The following OR10J1 variants were observed in gnomAD, a reference collection of about 807,000 sequenced individuals.
OR10J1 encodes olfactory receptor family 10 subfamily J member 1, also known as olfactory receptor 10J1.
For synonymous variants in OR10J1, 202 were observed against 143.8 expected (o/e 1.40, Z -2.89); for missense variants, 474 against 376.6 (o/e 1.26, Z -2.14).
the OR10J1 span, among the ~76,000 whole-genome samples, chr1:159,415,707 A>C: frequency 6.6e-6 from 1 of 151,948 alleles, no homozygotes; most frequent in Non-Finnish European, 1.5e-5. Flanking sequence ...ATTTTAAACG[A>C]TATGACTAAT....
upstream of OR10J1, among the ~76,000 whole-genome samples, chr1:159,433,769 C>G (rs1354855043): frequency 2.0e-5 from 3 of 152,198 alleles, no homozygotes; most frequent in African/African-American, 7.2e-5. Flanking sequence ...CTGACCTAAG[C>G]AAGGTGGTAC....
At chr1:159,415,387 T>A in the OR10J1 span, among the ~76,000 whole-genome samples, 2 of 152,254 alleles carry the variant, frequency 1.3e-5, no homozygotes, top group East Asian at 1.9e-4. Context: ...TGTGAATAAA[T>A]GAATGCATTT....
chr1:159,413,636 C>T, the OR10J1 span, among the ~76,000 whole-genome samples: 3 of 142,756 alleles, frequency 2.1e-5, no homozygotes, highest in Non-Finnish European at 3.0e-5. Flanking sequence ...CGGAATTGAA[C>T]AATGAGAACA....
chr1:159,426,986 A>C, the OR10J1 span, among the ~76,000 whole-genome samples: 1 of 151,936 alleles, frequency 6.6e-6, no homozygotes, highest in Non-Finnish European at 1.5e-5. Flanking sequence ...AATAAAATTG[A>C]AGCACAGAGA....
At chr1:159,416,421 C>G in the OR10J1 span, among the ~76,000 whole-genome samples, 1 of 147,960 alleles carries the variant, frequency 6.8e-6, no homozygotes, top group Admixed American at 6.7e-5. Context: ...TTTTCTTCAT[C>G]TATTGAGATG....
upstream of OR10J1, chr1:159,438,049 G>A (rs1241654670): frequency 1.3e-5 from 2 of 152,378 alleles, no homozygotes; most frequent in East Asian, 3.9e-4. Flanking sequence ...AGTCATGTGA[G>A]TGGTCTTTAG....
the OR10J1 span, among the ~76,000 whole-genome samples, chr1:159,420,002 C>G: frequency 6.6e-6 from 1 of 152,048 alleles, no homozygotes; most frequent in African/African-American, 2.4e-5. Context: ...TATGGATGCT[C>G]TGATGTTGGT....
the OR10J1 span, among the ~76,000 whole-genome samples, chr1:159,410,123 C>T: frequency 5.7e-4 from 86 of 152,212 alleles, 1 homozygote; most frequent in Non-Finnish European, 1.1e-3. Flanking sequence ...AGGATTTTTG[C>T]ATCAATGTTC....
At chr1:159,428,135 G>T in the OR10J1 span, among the ~76,000 whole-genome samples, 1 of 152,168 alleles carries the variant, frequency 6.6e-6, no homozygotes, top group South Asian at 2.1e-4. Context: ...AGACAAAAAT[G>T]TATCTATAAG....
chr1:159,414,183 G>T, the OR10J1 span, among the ~76,000 whole-genome samples: 1 of 152,014 alleles, frequency 6.6e-6, no homozygotes, highest in Non-Finnish European at 1.5e-5. Context: ...TGGACCATGA[G>T]AATTTATAAC....
the OR10J1 span, among the ~76,000 whole-genome samples, chr1:159,429,356 C>T: frequency 2.0e-5 from 3 of 152,166 alleles, no homozygotes; most frequent in African/African-American, 7.2e-5. Flanking sequence ...CTGAAGAGAC[C>T]TCAGAGGTAG....
the OR10J1 span, among the ~76,000 whole-genome samples, chr1:159,428,236 T>G: frequency 1.3e-5 from 2 of 152,124 alleles, no homozygotes; most frequent in Non-Finnish European, 2.9e-5. Flanking sequence ...AAGAGAAAAC[T>G]GTCAAAATGT....
At chr1:159,428,812 T>C in the OR10J1 span, among the ~76,000 whole-genome samples, 1 of 152,206 alleles carries the variant, frequency 6.6e-6, no homozygotes, top group East Asian at 1.9e-4. Context: ...TCTTCCATGC[T>C]TGTCAGTCTC....
the OR10J1 span, among the ~76,000 whole-genome samples, chr1:159,417,855 A>C: frequency 3.3e-5 from 5 of 152,200 alleles, no homozygotes; most frequent in Non-Finnish European, 5.9e-5. Flanking sequence ...AATTCTTATA[A>C]TGATATGGAC....
chr1:159,431,472 G>A, the OR10J1 span, among the ~76,000 whole-genome samples: 1 of 152,122 alleles, frequency 6.6e-6, no homozygotes, highest in African/African-American at 2.4e-5. Flanking sequence ...CACTCTTTAG[G>A]TATGTCCCTT....
chr1:159,439,897 A>T lies in OR10J1; in HGVS notation c.106A>T (p.Ile36Phe), dbSNP rs1408075453. Reference protein sequence around the residue: ...TLFGVFLALYILTLAGNIIIV... With the variant: ...TLFGVFLALYFLTLAGNIIIV... ...TTTTGGCGTGTTCCTTGCACTATAC[A>T]TCTTAACCTTAGCAGGCAATATCAT... Residue 36 changes from isoleucine to phenylalanine, a missense_variant, in exon 1 of 1, where the codon ATC becomes TTC. Ile to Phe is a conservative substitution (Grantham distance 21). Coordinates refer to ENST00000423932, the MANE Select transcript of OR10J1 (RefSeq NM_012351.3). 2.5e-6 allele frequency: 4 copies of T among 1,614,020 alleles called. No individual in the cohort carries two copies. Among genetic ancestry groups the T allele is most frequent in the African/African-American group, 1.3e-5 (1 of 74,906 alleles).
the OR10J1 span, among the ~76,000 whole-genome samples, chr1:159,413,888 A>G: frequency 4.0e-5 from 6 of 151,798 alleles, no homozygotes; most frequent in African/African-American, 1.5e-4. Flanking sequence ...AAAAAAATAT[A>G]TTGCTTGTTT....
At chr1:159,430,910 C>T in the OR10J1 span, among the ~76,000 whole-genome samples, 35 of 152,128 alleles carry the variant, frequency 2.3e-4, no homozygotes, top group African/African-American at 6.0e-4. Flanking sequence ...ACAAATGAAA[C>T]GAGCAAAGAA....
upstream of OR10J1, chr1:159,438,149 T>G (rs1425182943): frequency 6.6e-6 from 1 of 152,218 alleles, no homozygotes; most frequent in Non-Finnish European, 1.5e-5. Flanking sequence ...CAGGTCTTCA[T>G]AAGCTATATT....
Sources: allele counts gnomAD v4.1 joint callset (sites outside exome capture counted in the v4.1 genomes callset), GRCh38; gene constraint gnomAD v4.1.1; transcripts MANE v1.5; gene names NCBI Gene and HGNC (gene_info 2026-07-23, HGNC 2026-07-21).